DECR2: variants seen among roughly 807,000 people sequenced by gnomAD.
The protein encoded by DECR2 is peroxisomal 2,4-dienoyl-CoA reductase [(3E)-enoyl-CoA-producing].
In DECR2, 34 loss-of-function variants were observed where a neutral mutation model predicts 29.2. The observed-to-expected ratio is 1.16, with a 90% CI of 0.89 to 1.55. The LOEUF is 1.55. Among genes scored for constraint, DECR2 ranks in the 40% most tolerant of loss-of-function variants. The pLI is 0.00. For synonymous variants in DECR2, 224 were observed against 182.7 expected (o/e 1.23, Z -1.82); for missense variants, 485 against 425.3 (o/e 1.14, Z -1.23).
At chr16:406,510 TTTC>T in intron 3 of DECR2, 113 bp downstream of exon 3, 1 of 1,117,264 alleles carries the variant, frequency 9.0e-7, no homozygotes, top group Admixed American at 2.2e-5. Flanking sequence ...AAACTTTTTT[TTTC>T]TGAGACGGGA....
Position 411,474 on chromosome 16 carries a change from T to C in DECR2, c.775T>C (p.Tyr259His). Residue 259 changes from tyrosine (Y) to histidine (H), a missense_variant, in exon 8 of 9, where the codon TAC becomes CAC. Tyr to His is a moderately conservative substitution (Grantham distance 83, BLOSUM62 2). Coordinates refer to ENST00000219481, the MANE Select transcript of DECR2 (RefSeq NM_020664.4). ...CTACCTGGCCAGCCCTCTGGCTTCC[T>C]ACGTGACGGGGGCCGTGCTGGTGGC... ...VLYLASPLAS[Y>H]VTGAVLVADG... 6.2e-7 allele frequency: 1 copy of C among 1,613,940 alleles called. No homozygotes were observed. Among genetic ancestry groups the C allele is most frequent in the Non-Finnish European group, 8.5e-7 (1 of 1,180,004 alleles).
intron 4 of DECR2, chr16:409,876 G>C (rs1000941534): frequency 4.1e-5 from 9 of 219,798 alleles, no homozygotes; most frequent in Non-Finnish European, 8.3e-5. Context: ...TTCCCGTGGC[G>C]TGTGTCTGTG....
chr16:407,977 G>A (rs2054753583), intron 4 of DECR2, among the ~76,000 whole-genome samples: 1 of 86,594 alleles, frequency 1.2e-5, no homozygotes, highest in African/African-American at 4.7e-5. Flanking sequence ...CCGGCCCCCT[G>A]TCTCCGGGCC....
rs571899411 is a variant in DECR2 at position 403,392 on chromosome 16, TAC to T, written c.80+1351_80+1352del. ...CAGCAAAAGTTTGCCATCCATCTGG[TAC>T]AGTTTGTGCCAGTCATACCGATCAG... On this transcript the variant is annotated intron_variant, in intron 1 of 8. Coordinates refer to ENST00000219481, the MANE Select transcript of DECR2 (RefSeq NM_020664.4). 6.6e-4 allele frequency among the ~76,000 whole-genome samples: 100 copies of T among 152,298 alleles called. 2 individuals are homozygous for T. Among genetic ancestry groups the T allele is most frequent in the South Asian group, 6.0e-3 (29 of 4,826 alleles).
intron 4 of DECR2, among the ~76,000 whole-genome samples, chr16:407,955 A>G (rs77244931): frequency 0.61 from 15,690 of 25,514 alleles, 7,220 homozygotes; most frequent in South Asian, 0.67. Flanking sequence ...CCCTGTCTCC[A>G]GGCCTCTGTC....
chr16:408,861 C>A (rs568570728), intron 4 of DECR2, among the ~76,000 whole-genome samples: 6 of 140,244 alleles, frequency 4.3e-5, no homozygotes, highest in African/African-American at 2.7e-5. Context: ...GAGGGAGTTT[C>A]GCTCTTGTTG....
At chr16:402,081 G>A in intron 1 of DECR2, 38 bp downstream of exon 1, 2 of 1,313,954 alleles carry the variant, frequency 1.5e-6, no homozygotes, top group Middle Eastern at 2.4e-4. Context: ...GCCTTGGTGC[G>A]GGGTCCGGTC....
rs373659238 is a variant in DECR2, at chr16:406,370, C to T, written c.174C>T (p.Ala58=). 4.4e-5 allele frequency: 70 copies of T among 1,607,816 alleles called. No homozygotes were observed. Among genetic ancestry groups the T allele is most frequent in the Non-Finnish European group, 4.5e-5 (53 of 1,179,940 alleles). ...GGCACGGCTGCCATACGGTGATTGC[C>T]AGTAGGAGCCTGCCGCGAGTGCTGA... The part of the protein sequence containing the change: ...FMRHGCHTVI[A]SRSLPRVLTA... The change falls in exon 3 of 9, where the codon GCC becomes GCT. Residue 58 remains alanine, a synonymous_variant. Transcript: ENST00000219481.
intron 2 of DECR2, among the ~76,000 whole-genome samples, chr16:405,916 G>A (rs1037109179): frequency 6.6e-6 from 1 of 152,204 alleles, no homozygotes; most frequent in Admixed American, 6.5e-5. Context: ...TGGAACCAGG[G>A]TTCATAGAGG....
chr16:406,445 G>A (rs757073034), intron 3 of DECR2, 48 bp downstream of exon 3: 2 of 1,587,666 alleles, frequency 1.3e-6, no homozygotes. Flanking sequence ...CTGTGGGGGG[G>A]CTGGGGCTGG....
At chr16:408,272 T>A (rs1472668412) in intron 4 of DECR2, among the ~76,000 whole-genome samples, 1 of 149,918 alleles carries the variant, frequency 6.7e-6, no homozygotes, top group Non-Finnish European at 1.5e-5. Flanking sequence ...TGGGCCTCTG[T>A]CTCCGGCCCC....
At chr16:405,587 T>C (rs2054714978) in intron 2 of DECR2, 1 of 1,304,230 alleles carries the variant, frequency 7.7e-7, no homozygotes, top group African/African-American at 1.5e-5. Flanking sequence ...TTTATGGTTA[T>C]TGTGGGCAAG....
In DECR2 at chr16:410,495, CG is replaced by C; in HGVS notation, c.462+133del. 1 of 1,545,108 alleles carries C rather than the reference CG, an allele frequency of 6.5e-7. No homozygotes were observed. On this transcript the variant is annotated intron_variant, in intron 5 of 8. Transcript: ENST00000219481. The surrounding 1 kb of genome is among the most constrained non-coding windows in gnomAD (Gnocchi z 4.1). ...TTCTTCCGGGTGGGTGTACTCCCAG[CG>C]GGGGCCTCCCCCTGACGGCCGCCCG... is the stretch of plus-strand genomic sequence containing the variant.
chr16:406,288 G>T, intron 2 of DECR2, 58 bp from the exon 3 acceptor site: 1 of 1,417,148 alleles, frequency 7.1e-7, no homozygotes, highest in South Asian at 1.2e-5. Context: ...GAGCTGGGCA[G>T]ATGCCCCGGG....
chr16:403,182 C>G (rs2054687648), intron 1 of DECR2, among the ~76,000 whole-genome samples: 1 of 147,522 alleles, frequency 6.8e-6, no homozygotes, highest in Non-Finnish European at 1.5e-5. Flanking sequence ...CAATACCACG[C>G]TGGGCTAATT....
At chr16:407,370 T>C in intron 3 of DECR2, 55 bp from the exon 4 acceptor site, 2 of 1,546,888 alleles carry the variant, frequency 1.3e-6, no homozygotes, top group East Asian at 2.3e-5. Flanking sequence ...TCCAAAGGCC[T>C]TTTCTCCAGG....
At position 411,932 on chromosome 16, in the gene DECR2, T is replaced by C. The variant is rs1226589160; in HGVS notation, c.*43T>C. The C allele has an allele frequency of 6.8e-5, 19 of 278,534 alleles. No individual in the cohort carries two copies. The highest frequency in any genetic ancestry group is 1.1e-4 in the Non-Finnish European group (16 of 147,646). The allele number at this position is 278,534 out of a possible 1,614,324, so 17.3% of individuals were successfully genotyped here. On this transcript the variant is annotated 3_prime_UTR_variant, in exon 9 of 9. Coordinates refer to ENST00000219481, the MANE Select transcript of DECR2 (RefSeq NM_020664.4). Reference sequence around the variant, plus strand: ...CTTCCTGCCGCCTCACTCAGCCAGGTGGAGAGCACCAATCTGAACCAGCAA... The same window carrying C: ...CTTCCTGCCGCCTCACTCAGCCAGGCGGAGAGCACCAATCTGAACCAGCAA...
At chr16:408,226 T>TCTGTCTCCGGCCCCCTGTCTCCGGCCCC (rs2054764709) in intron 4 of DECR2, among the ~76,000 whole-genome samples, 1 of 105,516 alleles carries the variant, frequency 9.5e-6, no homozygotes, top group African/African-American at 3.8e-5. Flanking sequence ...TCTCCGGGCC[T>TCTGTCTCCGGCCCCCTGTCTCCGGCCCC]CTGTCTCCGG....
At position 410,011 on chromosome 16, in the gene DECR2, C is replaced by A; in HGVS notation, c.338-232C>A. ...CCATTTCCAAACAAGGCCACAGTCG[C>A]AGGTACGGAGCCAGGGCTTCAGCAT... On this transcript the variant is annotated intron_variant, in intron 4 of 8. Transcript: ENST00000219481. This position sits in a 1 kb window ranked among gnomAD's most constrained non-coding sequence, Gnocchi z 4.1. 1 of 555,170 alleles carries A rather than the reference C, an allele frequency of 1.8e-6. No homozygotes were observed. The highest frequency in any genetic ancestry group is 3.1e-6 in the Non-Finnish European group (1 of 317,476). The allele number at this position is 555,170 out of a possible 1,614,324, so 34.4% of individuals were successfully genotyped here.
Sources: allele counts gnomAD v4.1 joint callset (sites outside exome capture counted in the v4.1 genomes callset), GRCh38; gene constraint gnomAD v4.1.1; non-coding constraint Gnocchi (gnomAD v3.1); transcripts MANE v1.5; gene names NCBI Gene and HGNC (gene_info 2026-07-23, HGNC 2026-07-21).